Variants in ESR1 observed in about 807,000 individuals in gnomAD.
ESR1 encodes the protein estrogen receptor 1.
A neutral mutation model predicts 52.7 loss-of-function variants in ESR1; 12 were observed. That is an observed-to-expected ratio of 0.23 (90% CI 0.15 to 0.37). ESR1 has a LOEUF of 0.37. ESR1 is among the 10% of genes least tolerant of loss of function. ESR1 has a pLI of 1.00. For synonymous variants in ESR1, 305 were observed against 316.8 expected, an observed-to-expected ratio of 0.96 and a Z score of 0.39; for missense variants, 584 against 779.7, an observed-to-expected ratio of 0.75 and a Z score of 2.99.
At chr6:151,669,173 A>AGGG (rs1458352214) in intron 1 of ESR1, among the ~76,000 whole-genome samples, 1 of 122,702 alleles carries the variant, frequency 8.1e-6, no homozygotes, top group Non-Finnish European at 1.7e-5. Flanking sequence ...AGAGAGAGAG[A>AGGG]GAGAGAGAGA....
At chr6:152,096,327 G>A (rs940145707) in intron 7 of ESR1, among the ~76,000 whole-genome samples, 3 of 152,168 alleles carry the variant, frequency 2.0e-5, no homozygotes, top group African/African-American at 2.4e-5. Flanking sequence ...GGTTGGATTC[G>A]ATCATTTTTA....
chr6:151,867,298 C>A (rs960308461), intron 2 of ESR1, among the ~76,000 whole-genome samples: 1 of 151,952 alleles, frequency 6.6e-6, no homozygotes, highest in African/African-American at 2.4e-5. Flanking sequence ...AACTGCACAG[C>A]AAAAGAAACT....
chr6:151,692,779 G>A (rs1045381275), intron 1 of ESR1, among the ~76,000 whole-genome samples: 5 of 152,158 alleles, frequency 3.3e-5, no homozygotes, highest in East Asian at 1.9e-4. Flanking sequence ...CAGCAAAAGC[G>A]TACACATCAT....
chr6:151,851,017 C>T (rs542885223), intron 2 of ESR1, among the ~76,000 whole-genome samples: 4 of 152,268 alleles, frequency 2.6e-5, no homozygotes, highest in South Asian at 2.1e-4. Context: ...CATGTCAATA[C>T]GCAGTACAAG....
chr6:152,091,588 C>CAG (rs2050182152), intron 6 of ESR1, among the ~76,000 whole-genome samples: 1 of 152,114 alleles, frequency 6.6e-6, no homozygotes, highest in Non-Finnish European at 1.5e-5. Context: ...ATGAAGGAAC[C>CAG]CACACGCACC....
At chr6:151,816,692 G>A (rs1779703125) in intron 1 of ESR1, among the ~76,000 whole-genome samples, 1 of 152,122 alleles carries the variant, frequency 6.6e-6, no homozygotes, top group Non-Finnish European at 1.5e-5. Flanking sequence ...ATTTCTTGAA[G>A]TGCTTATTAC....
chr6:151,868,203 A>G lies in ESR1; in HGVS notation c.644-12452A>G, dbSNP rs528318475. Among the ~76,000 whole-genome samples the G allele has an allele frequency of 5.3e-5, 8 of 152,014 alleles. No individual in the cohort carries two copies. The East Asian group carries it at 7.8e-4, about 15-fold the overall frequency. ...AGTGCAATGGCTTGATCTCGGCTCA[A>G]TGCAACCTCCGCCTCCCAGATTCCA... is the stretch of plus-strand genomic sequence containing the variant. On this transcript the variant is annotated intron_variant, in intron 2 of 7. Coordinates refer to ENST00000206249, the MANE Select transcript of ESR1 (RefSeq NM_000125.4).
At chr6:151,899,480 A>AC (rs1240964266) in intron 3 of ESR1, among the ~76,000 whole-genome samples, 27 of 108,886 alleles carry the variant, frequency 2.5e-4, no homozygotes, top group African/African-American at 9.0e-4. Flanking sequence ...CGGGGGGCTG[A>AC]CCCCCCCACC....
intron 2 of ESR1, among the ~76,000 whole-genome samples, chr6:151,789,997 T>A (rs565133168): frequency 6.6e-6 from 1 of 152,248 alleles, no homozygotes; most frequent in East Asian, 1.9e-4. Context: ...CTGCCCCCCC[T>A]CACTCAGGGC....
intron 5 of ESR1, among the ~76,000 whole-genome samples, chr6:152,023,793 C>A (rs2043891262): frequency 6.6e-6 from 1 of 152,150 alleles, no homozygotes; most frequent in South Asian, 2.1e-4. Context: ...TGCTTCCTTG[C>A]AGTGTCATTT....
intron 1 of ESR1, among the ~76,000 whole-genome samples, chr6:151,677,178 A>G (rs190090876): frequency 1.7e-4 from 26 of 152,288 alleles, no homozygotes; most frequent in African/African-American, 6.0e-4. Flanking sequence ...TAGAACATCA[A>G]ACTAAGACTC....
At chr6:152,013,343 A>G (rs1437873568) in intron 5 of ESR1, among the ~76,000 whole-genome samples, 1 of 152,082 alleles carries the variant, frequency 6.6e-6, no homozygotes, top group Non-Finnish European at 1.5e-5. Context: ...ACCACACGTA[A>G]CATTTCCCTG....
chr6:152,106,763 T>A (rs890958851), downstream of ESR1, among the ~76,000 whole-genome samples: 2 of 152,104 alleles, frequency 1.3e-5, no homozygotes, highest in Non-Finnish European at 2.9e-5. Context: ...TAATTTTGTT[T>A]GTTTGCTTAT....
intron 2 of ESR1, among the ~76,000 whole-genome samples, chr6:151,728,990 AACACTTTTATATTC>A (rs1782044957): frequency 6.6e-6 from 1 of 152,232 alleles, no homozygotes; most frequent in African/African-American, 2.4e-5. Flanking sequence ...ATGACACATG[AACACTTTTATATTC>A]CACAACCACT....
chr6:151,991,764 C>T (rs2041046632), intron 4 of ESR1, among the ~76,000 whole-genome samples: 2 of 152,150 alleles, frequency 1.3e-5, no homozygotes, highest in Non-Finnish European at 2.9e-5. Context: ...TGCCTCTCCC[C>T]TTGTTTCTGC....
chr6:151,704,679 T>A (rs1258211532), intron 2 of ESR1, among the ~76,000 whole-genome samples: 3 of 152,138 alleles, frequency 2.0e-5, no homozygotes, highest in Non-Finnish European at 4.4e-5. Context: ...ACCTATTCAT[T>A]TACCCACCAG....
chr6:151,956,398 A>G (rs924097501), intron 4 of ESR1, among the ~76,000 whole-genome samples: 2 of 152,212 alleles, frequency 1.3e-5, no homozygotes, highest in Admixed American at 6.5e-5. Flanking sequence ...GAATACTGTT[A>G]TTACTCTCTG....
chr6:151,798,119 G>T (rs1453588693), intron 2 of ESR1, among the ~76,000 whole-genome samples: 3 of 152,174 alleles, frequency 2.0e-5, no homozygotes, highest in African/African-American at 7.2e-5. Flanking sequence ...GAGTGTCAGT[G>T]ACTGAGCCTG....
At chr6:151,849,012 A>G (rs998491121) in intron 2 of ESR1, among the ~76,000 whole-genome samples, 25 of 151,954 alleles carry the variant, frequency 1.6e-4, no homozygotes, top group Non-Finnish European at 2.6e-4. Flanking sequence ...ATCTCAGCAC[A>G]TGTGGTTCCC....
Sources: allele counts gnomAD v4.1 joint callset (sites outside exome capture counted in the v4.1 genomes callset), GRCh38; gene constraint gnomAD v4.1.1; transcripts MANE v1.5; gene names NCBI Gene and HGNC (gene_info 2026-07-23, HGNC 2026-07-21).